Variants in PLAAT5 observed in about 807,000 individuals in gnomAD.
The protein encoded by PLAAT5 is Ca(2+)-independent N-acyltransferase.
A neutral mutation model predicts 27.8 loss-of-function variants in PLAAT5; 27 were observed. The observed-to-expected ratio is 0.97, with a 90% CI of 0.72 to 1.34. The LOEUF is 1.34. Among genes scored for constraint, PLAAT5 ranks in the 40% most tolerant of loss-of-function variants. The probability of loss-of-function intolerance (pLI) is 0.00; values close to 1 mark genes in which losing one functional copy is unlikely to be tolerated. For synonymous variants in PLAAT5, 125 were observed against 136.1 expected, an observed-to-expected ratio of 0.92 and a Z score of 0.57; for missense variants, 368 against 343.8, an observed-to-expected ratio of 1.07 and a Z score of -0.56.
At chr11:63,488,785 C>T in intron 3 of PLAAT5, 86 bp downstream of exon 3, 1 of 874,370 alleles carries the variant, frequency 1.1e-6, no homozygotes, top group Non-Finnish European at 1.9e-6. Flanking sequence ...AGATTGGACA[C>T]CCCTAGAAAC....
At chr11:63,473,950 C>T (rs1436648854) in intron 3 of PLAAT5, among the ~76,000 whole-genome samples, 1 of 152,056 alleles carries the variant, frequency 6.6e-6, no homozygotes, top group Non-Finnish European at 1.5e-5. Context: ...CTGCCTGCCT[C>T]CACCTCCCAA....
intron 4 of PLAAT5, among the ~76,000 whole-genome samples, chr11:63,467,924 C>G (rs1481014704): frequency 2.0e-5 from 3 of 152,180 alleles, no homozygotes; most frequent in Non-Finnish European, 4.4e-5. Flanking sequence ...AAGGTGAGGA[C>G]GAAGGTGCCA....
At chr11:63,469,653 G>T in intron 3 of PLAAT5, 1 of 194,482 alleles carries the variant, frequency 5.1e-6, no homozygotes. Flanking sequence ...CTTAATTAAT[G>T]TCATTAATGT....
At chr11:63,464,657 A>C (rs2015809751) in intron 5 of PLAAT5, among the ~76,000 whole-genome samples, 2 of 151,742 alleles carry the variant, frequency 1.3e-5, no homozygotes, top group Admixed American at 1.3e-4. Flanking sequence ...CTCTGTCTCA[A>C]AAAAAAAGGG....
intron 3 of PLAAT5, among the ~76,000 whole-genome samples, chr11:63,473,918 C>G (rs1266343077): frequency 6.6e-6 from 1 of 151,958 alleles, no homozygotes; most frequent in Non-Finnish European, 1.5e-5. Context: ...AGGCTGATCT[C>G]AAACTCCTGA....
intron 3 of PLAAT5, 79 bp from the exon 4 acceptor site, chr11:63,468,544 A>G: frequency 9.7e-7 from 1 of 1,032,528 alleles, no homozygotes; most frequent in South Asian, 1.4e-5. Flanking sequence ...GGGACAGCTC[A>G]GCCTAAAGAT....
At chr11:63,471,092 T>G (rs929542012) in intron 3 of PLAAT5, 1 of 152,194 alleles carries the variant, frequency 6.6e-6, no homozygotes. Context: ...GTTTAAAAAC[T>G]CCAGCATGAA....
intron 1 of PLAAT5, 116 bp downstream of exon 1, chr11:63,490,771 G>T (rs2016545341): frequency 8.1e-6 from 8 of 988,834 alleles, no homozygotes; most frequent in Non-Finnish European, 1.2e-5. Flanking sequence ...GCTCATGATG[G>T]CTAACAGACA....
chr11:63,490,117 T>G, intron 2 of PLAAT5, 126 bp downstream of exon 2: 1 of 1,261,848 alleles, frequency 7.9e-7, no homozygotes, highest in Admixed American at 1.8e-5. Flanking sequence ...GCCTTCCCCT[T>G]GCTGGGTACC....
chr11:63,471,876 T>A (rs923648168), intron 3 of PLAAT5, among the ~76,000 whole-genome samples: 1 of 152,230 alleles, frequency 6.6e-6, no homozygotes, highest in Non-Finnish European at 1.5e-5. Flanking sequence ...AAGGATGAGA[T>A]CATGTCCTTT....
intron 4 of PLAAT5, among the ~76,000 whole-genome samples, chr11:63,468,058 T>C (rs1281939751): frequency 6.6e-6 from 1 of 152,240 alleles, no homozygotes; most frequent in African/African-American, 2.4e-5. Context: ...TGCTCAACTT[T>C]TGTCAATACA....
Position 63,466,110 on chromosome 11 carries a change from C to A in PLAAT5, c.717G>T (p.Gln239His). ...GLRYGVPRSQ[Q>H]VEHALMEGAK... The stretch of plus-strand genomic sequence containing the variant: ...ATCATCAGAGCAAATGGGGTCACAC[C>A]TGCTGGCTCCGGGGTACGCCATATC... Residue 239 changes from glutamine (Q) to histidine (H), a missense_variant and splice_region_variant, in exon 5 of 6, where the codon CAG becomes CAT. By Grantham distance (24) the Gln-to-His change is conservative. Coordinates refer to ENST00000540857, the MANE Select transcript of PLAAT5 (RefSeq NM_001146729.2). 3 of 1,613,258 alleles carry A rather than the reference C, an allele frequency of 1.9e-6. No individual in the cohort carries two copies. Among genetic ancestry groups the A allele is most frequent in the Non-Finnish European group, 2.5e-6 (3 of 1,179,610 alleles).
rs1378712153 is a variant in PLAAT5, at chr11:63,461,602, G to A, written c.*1901C>T. 1.3e-5 allele frequency: 2 copies of A among 152,168 alleles called. No homozygotes were observed. Among genetic ancestry groups the A allele is most frequent in the Non-Finnish European group, 2.9e-5 (2 of 68,028 alleles). The allele number at this position is 152,168 out of a possible 1,614,324, so 9.4% of individuals were successfully genotyped here. A position where few individuals can be genotyped will look rare whatever the true frequency, so the allele number is the denominator to read the frequency against. ...ATGCAGAAACCATTACAGATTAAAAGAGAAACACACACACACACTTTGAGA... is the reference window on the plus strand; with the variant it reads ...ATGCAGAAACCATTACAGATTAAAAAAGAAACACACACACACACTTTGAGA... On this transcript the variant is annotated 3_prime_UTR_variant, in exon 6 of 6. Coordinates refer to ENST00000540857, the MANE Select transcript of PLAAT5 (RefSeq NM_001146729.2).
intron 3 of PLAAT5, chr11:63,469,670 T>C: frequency 5.4e-6 from 1 of 184,402 alleles, no homozygotes; most frequent in South Asian, 1.4e-4. Flanking sequence ...ATGTCGTTAA[T>C]TTGTCAACTA....
rs988627596 is a variant in PLAAT5, at chr11:63,461,702, G to C, written c.*1801C>G. ...TCAGCCTGATGGACAGCTTGGAAGTGGAAGGGACCAATGTCCAGCAAGTGG... is the reference window on the plus strand; with the variant it reads ...TCAGCCTGATGGACAGCTTGGAAGTCGAAGGGACCAATGTCCAGCAAGTGG... On this transcript the variant is annotated 3_prime_UTR_variant, in exon 6 of 6. Transcript: ENST00000540857. 6.6e-6 allele frequency: 1 copy of C among 152,146 alleles called. No individual in the cohort carries two copies. The highest frequency in any genetic ancestry group is 1.5e-5 in the Non-Finnish European group (1 of 68,018). The allele number at this position is 152,146 out of a possible 1,614,324, so 9.4% of individuals were successfully genotyped here.
chr11:63,490,864 T>TA, intron 1 of PLAAT5, 23 bp downstream of exon 1: 2 of 1,589,960 alleles, frequency 1.3e-6, no homozygotes, highest in Non-Finnish European at 1.7e-6. Context: ...GGATTGTCCT[T>TA]CAGCCGCATT....
intron 3 of PLAAT5, among the ~76,000 whole-genome samples, chr11:63,475,515 TG>T (rs2016131785): frequency 1.3e-5 from 2 of 152,070 alleles, no homozygotes; most frequent in African/African-American, 2.4e-5. Context: ...AGATCTAAAG[TG>T]TGCCTCTTGT....
chr11:63,466,060 C>A, intron 5 of PLAAT5, 50 bp downstream of exon 5: 1 of 1,579,742 alleles, frequency 6.3e-7, no homozygotes. Flanking sequence ...AAATGACAAA[C>A]CCCAAGAAAG....
At chr11:63,480,400 AAG>A (rs2016256023) in intron 3 of PLAAT5, among the ~76,000 whole-genome samples, 1 of 152,242 alleles carries the variant, frequency 6.6e-6, no homozygotes, top group South Asian at 2.1e-4. Context: ...TGGAGAAGGA[AAG>A]AGGAGGGAAT....
Sources: allele counts gnomAD v4.1 joint callset (sites outside exome capture counted in the v4.1 genomes callset), GRCh38; gene constraint gnomAD v4.1.1; transcripts MANE v1.5; gene names NCBI Gene and HGNC (gene_info 2026-07-23, HGNC 2026-07-21).